The following GIP variants were observed in gnomAD, a reference collection of about 807,000 sequenced individuals.
GIP encodes the protein gastric inhibitory polypeptide.
GIP carries 16 observed loss-of-function variants against 18.1 expected under a neutral mutation model. The ratio of observed to expected loss-of-function variants is 0.88; its 90% CI spans 0.60 to 1.34. The LOEUF (loss-of-function observed/expected upper bound fraction) is 1.34. Among genes scored for constraint, GIP ranks in the 40% most tolerant of loss-of-function variants. The pLI is 0.00. For synonymous variants in GIP, 76 were observed against 74.0 expected, an observed-to-expected ratio of 1.03 and a Z score of -0.14; for missense variants, 192 against 183.4, an observed-to-expected ratio of 1.05 and a Z score of -0.27.
Position 48,968,248 on chromosome 17 carries a change from A to T in GIP, c.-22+269T>A, listed in dbSNP as rs200337332. 1.1e-4 allele frequency among the ~76,000 whole-genome samples: 16 copies of T among 152,108 alleles called. No homozygotes were observed. In the East Asian group the frequency reaches 2.3e-3, roughly 22 times the overall value. On this transcript the variant is annotated intron_variant, in intron 1 of 5. Coordinates refer to ENST00000357424, the MANE Select transcript of GIP (RefSeq NM_004123.3). ...CCTAGAACCGCAGGCATGTACCACCATGCCCAGCTAATTTTTTAAATTATG... is the reference window on the plus strand; with the variant it reads ...CCTAGAACCGCAGGCATGTACCACCTTGCCCAGCTAATTTTTTAAATTATG...
At chr17:48,958,817 C>A in intron 5 of GIP, 101 bp from the exon 6 acceptor site, 27 of 700,818 alleles carry the variant, frequency 3.9e-5, no homozygotes, top group Non-Finnish European at 6.3e-5. Flanking sequence ...CTCCTACCTT[C>A]AAATCACCTT....
At position 48,964,454 on chromosome 17, in the gene GIP, G is replaced by A. The variant is rs1216853860; in HGVS notation, c.113C>T (p.Ser38Phe). Residue 38 changes from serine (S) to phenylalanine (F), a missense_variant, in exon 3 of 6, where the codon TCT becomes TTT. Ser to Phe is a radical substitution (Grantham distance 155). Coordinates refer to ENST00000357424, the MANE Select transcript of GIP (RefSeq NM_004123.3). ...TTGAGGGCTGCTCACCTTAGCATGAGATCCAACAGGCAGGGAGGGGAGAGC... is the reference window on the plus strand; with the variant it reads ...TTGAGGGCTGCTCACCTTAGCATGAAATCCAACAGGCAGGGAGGGGAGAGC... ...FSALPSLPVG[S>F]HAKVSSPQPR... 6.2e-7 allele frequency: 1 copy of A among 1,614,048 alleles called. No individual in the cohort carries two copies. The highest frequency in any genetic ancestry group is 8.5e-7 in the Non-Finnish European group (1 of 1,179,950).
intron 5 of GIP, 129 bp from the exon 6 acceptor site, chr17:48,958,845 T>C: frequency 1.5e-6 from 1 of 667,086 alleles, no homozygotes; most frequent in East Asian, 2.9e-5. Flanking sequence ...ATTTTAATTT[T>C]TATCAATTTA....
chr17:48,963,383 G>T (rs958035510), intron 3 of GIP, among the ~76,000 whole-genome samples: 1 of 151,640 alleles, frequency 6.6e-6, no homozygotes, highest in Admixed American at 6.6e-5. Context: ...TAGGCCAGGC[G>T]CAGTGGCTTA....
rs2041247510 is a variant in GIP, at chr17:48,968,591, C to A, written c.-96G>T. On this transcript the variant is annotated 5_prime_UTR_variant, in exon 1 of 6. Transcript: ENST00000357424. ...TCCCCTGATTTCTGGACCTTCTGAG[C>A]CTGCTGAAGAAATCATGCCCCAGCT... is the stretch of plus-strand genomic sequence containing the variant. The A allele has an allele frequency of 6.6e-6, 1 of 152,150 alleles. No individual in the cohort carries two copies. The allele number at this position is 152,150 out of a possible 1,614,324, so 9.4% of individuals were successfully genotyped here. A position where few individuals can be genotyped will look rare whatever the true frequency, so the allele number is the denominator to read the frequency against.
intron 5 of GIP, 67 bp from the exon 6 acceptor site, chr17:48,958,783 T>C (rs1437417990): frequency 8.4e-6 from 11 of 1,306,370 alleles, no homozygotes; most frequent in African/African-American, 1.5e-5. Context: ...ACATTTATCC[T>C]GGGACCCAAC....
intron 3 of GIP, 85 bp from the exon 4 acceptor site, chr17:48,961,904 A>G: frequency 1.1e-6 from 1 of 915,136 alleles, no homozygotes; most frequent in South Asian, 1.4e-5. Flanking sequence ...TGAACCCCAA[A>G]AGCAGAGGGT....
intron 3 of GIP, 94 bp from the exon 4 acceptor site, chr17:48,961,913 G>A: frequency 1.1e-6 from 1 of 879,378 alleles, no homozygotes; most frequent in Non-Finnish European, 1.8e-6. Context: ...AAAGCAGAGG[G>A]TACCTTTTTC....
At position 48,961,791 on chromosome 17, in the gene GIP, C is replaced by T; in HGVS notation, c.286G>A (p.Ala96Thr). 6.2e-7 allele frequency: 1 copy of T among 1,612,968 alleles called. No homozygotes were observed. The highest frequency in any genetic ancestry group is 8.5e-7 in the Non-Finnish European group (1 of 1,179,718). Residue 96 changes from alanine (A) to threonine (T), a missense_variant, in exon 4 of 6, where the codon GCT (alanine) becomes ACT (threonine). Transcript: ENST00000357424. ...TGACTGGCCAGCTCCAGCGCCCGAG[C>T]CTCCCTCTGGGTGATGTTGTGTTTC... Reference protein sequence around the residue: ...DWKHNITQREARALELASQAN... With the variant: ...DWKHNITQRETRALELASQAN...
rs1468114455 is a variant in GIP, at chr17:48,960,889, A to G, written c.449T>C (p.Leu150Pro). Residue 150 changes from leucine (L) to proline (P), a missense_variant, in exon 5 of 6, where the codon CTC becomes CCC. Transcript: ENST00000357424. ...GTGCAACACCACACTCCCCTACCTGAGCCTGCAGAGGTTTGTCTGATCCAG... is the reference window on the plus strand; with the variant it reads ...GTGCAACACCACACTCCCCTACCTGGGCCTGCAGAGGTTTGTCTGATCCAG... Reference protein sequence around the residue: ...CLLDQTNLCRLRSR With the variant: ...CLLDQTNLCRPRSR 1 of 1,582,456 alleles carries G rather than the reference A, an allele frequency of 6.3e-7. No individual in the cohort carries two copies. The highest frequency in any genetic ancestry group is 8.6e-7 in the Non-Finnish European group (1 of 1,159,568).
At chr17:48,963,841 C>CAAGAAA (rs1204525162) in intron 3 of GIP, among the ~76,000 whole-genome samples, 1 of 35,890 alleles carries the variant, frequency 2.8e-5, no homozygotes, top group African/African-American at 1.7e-4. Context: ...AACTCTGTCT[C>CAAGAAA]AAAAAAAAAA....
chr17:48,967,046 CT>C, intron 2 of GIP, 100 bp downstream of exon 2: 1 of 879,100 alleles, frequency 1.1e-6, no homozygotes, highest in Admixed American at 1.9e-5. Context: ...ACCTCTTAGC[CT>C]GGATTCCTTC....
At chr17:48,961,575 T>A (rs1054743893) in intron 4 of GIP, 152 bp downstream of exon 4, 6 of 608,782 alleles carry the variant, frequency 9.9e-6, no homozygotes, top group Non-Finnish European at 1.7e-5. Flanking sequence ...CCTCCAGGAG[T>A]TTGCTCAATG....
At position 48,958,720 on chromosome 17, in the gene GIP, G is replaced by T; in HGVS notation, c.453-4C>A. The T allele has an allele frequency of 6.3e-7, 1 of 1,579,454 alleles. No homozygotes were observed. The highest frequency in any genetic ancestry group is 2.3e-5 in the East Asian group (1 of 43,038). On this transcript the variant is annotated splice_region_variant and splice_polypyrimidine_tract_variant and intron_variant, in intron 5 of 5. Coordinates refer to ENST00000357424, the MANE Select transcript of GIP (RefSeq NM_004123.3). ...GTGTGGTCAGAGTCACCGAGACCTG[G>T]GGAGAGTGGGGAAAGGAGAAGAAGG...
intron 2 of GIP, among the ~76,000 whole-genome samples, chr17:48,965,137 T>TG (rs2041228448): frequency 3.4e-4 from 1 of 2,964 alleles, no homozygotes; most frequent in Non-Finnish European, 5.8e-4. Flanking sequence ...AGACTCCGTC[T>TG]CAAAAAAAAA....
intron 1 of GIP, among the ~76,000 whole-genome samples, chr17:48,968,009 G>A (rs542929397): frequency 9.2e-5 from 14 of 152,030 alleles, no homozygotes; most frequent in South Asian, 2.1e-4. Flanking sequence ...CCGAGATTGC[G>A]CCAGTGCACT....
At chr17:48,963,944 G>T (rs111611366) in intron 3 of GIP, among the ~76,000 whole-genome samples, 29,950 of 144,696 alleles carry the variant, frequency 0.21, 3,569 homozygotes, top group African/African-American at 0.32. Context: ...CACGAGGTCA[G>T]ATCGAGACCA....
chr17:48,964,301 G>A lies in GIP; in HGVS notation c.257+9C>T, dbSNP rs1426451332. Reference sequence around the variant, plus strand: ...ACAGGGAACAGGAGGAGTGTAAGCAGCGACTCACTCATTCTTCTTCCCCTT... The same window carrying A: ...ACAGGGAACAGGAGGAGTGTAAGCAACGACTCACTCATTCTTCTTCCCCTT... On this transcript the variant is annotated intron_variant, in intron 3 of 5. Transcript: ENST00000357424. The A allele has an allele frequency of 6.2e-7, 1 of 1,610,404 alleles. No individual in the cohort carries two copies. Among genetic ancestry groups the A allele is most frequent in the Non-Finnish European group, 8.5e-7 (1 of 1,176,806 alleles).
At chr17:48,964,791 C>T (rs908864706) in intron 2 of GIP, among the ~76,000 whole-genome samples, 1 of 152,052 alleles carries the variant, frequency 6.6e-6, no homozygotes, top group Non-Finnish European at 1.5e-5. Flanking sequence ...AGGTCGGGAT[C>T]GAGACCAGCC....
Sources: gnomAD v4.1 joint callset for allele counts (sites outside exome capture counted in the v4.1 genomes callset) on GRCh38, gnomAD v4.1.1 for gene constraint, MANE v1.5 for transcripts, NCBI Gene and HGNC (gene_info 2026-07-23, HGNC 2026-07-21) for gene names.